PLEKHH1: variants seen among roughly 807,000 people sequenced by gnomAD.
The protein encoded by PLEKHH1 is pleckstrin homology domain-containing family H member 1.
Under a neutral mutation model 160.0 loss-of-function variants are expected in PLEKHH1, and 104 were observed. That is an observed-to-expected ratio of 0.65 (90% CI 0.55 to 0.76). The LOEUF (loss-of-function observed/expected upper bound fraction) is 0.76, where lower values mean the gene tolerates loss of function less well. Ranked by LOEUF, PLEKHH1 falls within the 30% of genes least tolerant of loss-of-function variation. PLEKHH1 has a pLI of 0.00. For missense variants in PLEKHH1, 1,427 were observed against 1,724.1 expected (o/e 0.83, Z 3.05); for synonymous variants, 619 against 678.4 (o/e 0.91, Z 1.36).
rs1410526706 is a variant in PLEKHH1 at position 67,576,516 on chromosome 14, TG to T, written c.2461+15del. Reference sequence around the variant, plus strand: ...GAAGGAGATCCAGGTAAGGCAAGGGTGGCCACCACTGCTTGGGTTGGAGGGT... The same window carrying T: ...GAAGGAGATCCAGGTAAGGCAAGGGTGCCACCACTGCTTGGGTTGGAGGGT... On this transcript the variant is annotated intron_variant, in intron 17 of 28. Coordinates refer to ENST00000329153, the MANE Select transcript of PLEKHH1 (RefSeq NM_020715.3). This position sits in a 1 kb window ranked among gnomAD's most constrained non-coding sequence, Gnocchi z 4.0. 3.1e-6 allele frequency: 4 copies of T among 1,299,282 alleles called. No individual in the cohort carries two copies. The South Asian group carries it at 4.7e-5, about 15-fold the overall frequency. The allele number at this position is 1,299,282 out of a possible 1,614,324, so 80.5% of individuals were successfully genotyped here.
chr14:67,587,113 C>G lies in PLEKHH1; in HGVS notation c.3973C>G (p.His1325Asp). 1 of 1,613,518 alleles carries G rather than the reference C, an allele frequency of 6.2e-7. No homozygotes were observed. Among genetic ancestry groups the G allele is most frequent in the Non-Finnish European group, 8.5e-7 (1 of 1,179,664 alleles). ...CTTCATCATGGCCAGCTATATGAAC[C>G]ATTGCACTACAACTGTGAACCCCCC... The part of the protein sequence containing the change: ...ATFIMASYMN[H>D]CTTTVNPPTN... Residue 1325 changes from histidine (H) to aspartate (D), a missense_variant, in exon 29 of 29, where the codon CAT (histidine) becomes GAT (aspartate). This residue lies in a region of PLEKHH1 where 96 missense variants were observed against 97.6 expected (regional missense o/e 0.98). Coordinates refer to ENST00000329153, the MANE Select transcript of PLEKHH1 (RefSeq NM_020715.3).
At chr14:67,585,857 C>G in intron 27 of PLEKHH1, 94 bp from the exon 28 acceptor site, 1 of 1,352,966 alleles carries the variant, frequency 7.4e-7, no homozygotes, top group Non-Finnish European at 1.0e-6. Flanking sequence ...TGGGAGTTCT[C>G]CTTTCCTGTG....
chr14:67,557,304 T>C lies in PLEKHH1; in HGVS notation c.225T>C (p.Asn75=), dbSNP rs760136475. The change falls in exon 4 of 29, where the codon AAT becomes AAC. Residue 75 remains asparagine (N), a synonymous_variant. Transcript: ENST00000329153. ...TGGAAGAGAAGGTAAAACTATCCAA[T>C]CTGAAGAATGTGGACTCTGAGGGGA... ...GVMEEKVKLS[N]LKNVDSEGSL... The C allele has an allele frequency of 2.5e-6, 4 of 1,613,688 alleles. No homozygotes were observed. In the South Asian group the frequency reaches 4.4e-5, roughly 18 times the overall value.
rs951007720 is a variant in PLEKHH1, at chr14:67,572,001, C to T, written c.1585+99C>T. On this transcript the variant is annotated intron_variant, in intron 10 of 28. Transcript: ENST00000329153. ...TGGGCGTCCCCACTTGATCTGAGCT[C>T]GTGACCCCCCAGCAGCTCCACCCCC... is the stretch of plus-strand genomic sequence containing the variant. 58 of 1,488,532 alleles carry T rather than the reference C, an allele frequency of 3.9e-5. No homozygotes were observed. The East Asian group carries it at 4.2e-4, about 11-fold the overall frequency. The allele number at this position is 1,488,532 out of a possible 1,614,324, so 92.2% of individuals were successfully genotyped here. A position where few individuals can be genotyped will look rare whatever the true frequency, so the allele number is the denominator to read the frequency against.
chr14:67,587,334 C>T lies in PLEKHH1; in HGVS notation c.*99C>T, dbSNP rs1029177599. On this transcript the variant is annotated 3_prime_UTR_variant, in exon 29 of 29. Transcript: ENST00000329153. The stretch of plus-strand genomic sequence containing the variant: ...CTACTGTGACGGGTCTAACAGCCCC[C>T]GGCTACTCTTGTTCTGTGAAATGTG... 2.1e-5 allele frequency: 27 copies of T among 1,314,088 alleles called. No individual in the cohort carries two copies. Among genetic ancestry groups the T allele is most frequent in the Admixed American group, 8.5e-5 (5 of 59,142 alleles). 81.4% of individuals were successfully genotyped at this position (1,314,088 alleles called of 1,614,324 possible). A position where few individuals can be genotyped will look rare whatever the true frequency, so the allele number is the denominator to read the frequency against.
intron 26 of PLEKHH1, among the ~76,000 whole-genome samples, chr14:67,584,713 T>C (rs777595437): frequency 5.9e-5 from 9 of 152,204 alleles, no homozygotes; most frequent in Non-Finnish European, 1.0e-4. Context: ...CCAGTGCTGG[T>C]TGTTTGAGGT....
Position 67,564,675 on chromosome 14 carries a change from AT to A in PLEKHH1, c.1263+1791del, listed in dbSNP as rs201353537. Among the ~76,000 whole-genome samples the A allele has an allele frequency of 9.0e-3, 1,189 of 132,638 alleles. 20 individuals carry two copies. The highest frequency in any genetic ancestry group is 0.032 in the African/African-American group (1,121 of 35,064). 87.0% of individuals were successfully genotyped at this position (132,638 alleles called of 152,430 possible). On this transcript the variant is annotated intron_variant, in intron 7 of 28. Coordinates refer to ENST00000329153, the MANE Select transcript of PLEKHH1 (RefSeq NM_020715.3). Reference sequence around the variant, plus strand: ...GTTTCACTATGTTGGCCAGGCTGACATTTTTTTTTTCTTTTCCTTTTTTTTT... The same window carrying A: ...GTTTCACTATGTTGGCCAGGCTGACATTTTTTTTTCTTTTCCTTTTTTTTT...
intron 1 of PLEKHH1, among the ~76,000 whole-genome samples, chr14:67,537,346 A>AAATAAT (rs111429286): frequency 0.015 from 1,861 of 126,566 alleles, 25 homozygotes; most frequent in South Asian, 0.061. Flanking sequence ...TCCATCTCAA[A>AAATAAT]AATAATAATA....
In PLEKHH1 at chr14:67,578,647, C is replaced by T. The variant is rs761939974; in HGVS notation, c.2849+16C>T. ...CAGATCCCAGGTGAGTGAACCTGGCCGTTTCCTCTGCCACTTGAGCACTGC... is the reference window on the plus strand; with the variant it reads ...CAGATCCCAGGTGAGTGAACCTGGCTGTTTCCTCTGCCACTTGAGCACTGC... On this transcript the variant is annotated intron_variant, in intron 20 of 28. Coordinates refer to ENST00000329153, the MANE Select transcript of PLEKHH1 (RefSeq NM_020715.3). The surrounding 1 kb of genome is among the most constrained non-coding windows in gnomAD (Gnocchi z 5.0). 12 of 1,513,328 alleles carry T rather than the reference C, an allele frequency of 7.9e-6. No homozygotes were observed. Among genetic ancestry groups the T allele is most frequent in the African/African-American group, 5.5e-5 (4 of 72,852 alleles). 93.7% of individuals were successfully genotyped at this position (1,513,328 alleles called of 1,614,324 possible).
chr14:67,587,277 G>A lies in PLEKHH1; in HGVS notation c.*42G>A. 1 of 1,609,156 alleles carries A rather than the reference G, an allele frequency of 6.2e-7. No homozygotes were observed. The highest frequency in any genetic ancestry group is 1.1e-5 in the South Asian group (1 of 90,982). On this transcript the variant is annotated 3_prime_UTR_variant, in exon 29 of 29. Transcript: ENST00000329153. ...ATTCCCCAACACCACTAGTGCCTCT[G>A]GATTTAGAGATATATATCCTAGGGT...
chr14:67,538,898 C>G (rs1037107936), intron 1 of PLEKHH1, among the ~76,000 whole-genome samples: 10 of 152,192 alleles, frequency 6.6e-5, no homozygotes, highest in Non-Finnish European at 2.9e-5. Context: ...TAGGCAGACA[C>G]CAGTGACATA....
rs755308613 is a variant in PLEKHH1 at position 67,587,343 on chromosome 14, T to C, written c.*108T>C. On this transcript the variant is annotated 3_prime_UTR_variant, in exon 29 of 29. Transcript: ENST00000329153. ...CGGGTCTAACAGCCCCCGGCTACTC[T>C]TGTTCTGTGAAATGTGTATTTTAGT... 1.6e-6 allele frequency: 2 copies of C among 1,254,042 alleles called. No homozygotes were observed. The highest frequency in any genetic ancestry group is 2.4e-5 in the South Asian group (2 of 82,704). The allele number at this position is 1,254,042 out of a possible 1,614,324, so 77.7% of individuals were successfully genotyped here. A position where few individuals can be genotyped will look rare whatever the true frequency, so the allele number is the denominator to read the frequency against.
intron 23 of PLEKHH1, 46 bp downstream of exon 23, chr14:67,581,084 C>G: frequency 1.6e-6 from 2 of 1,232,038 alleles, no homozygotes; most frequent in Non-Finnish European, 2.4e-6. Flanking sequence ...AGGGCTGCCA[C>G]TGGGTGCCAG....
chr14:67,562,614 C>A lies in PLEKHH1; in HGVS notation c.983C>A (p.Ala328Asp). ...ACCCCGCGGGACAGCATCCAGTTGGCCAAAAGGCACCACAGCCAGCCCCAG... is the reference window on the plus strand; with the variant it reads ...ACCCCGCGGGACAGCATCCAGTTGGACAAAAGGCACCACAGCCAGCCCCAG... ...PGTPRDSIQL[A>D]KRHHSQPQVG... is the part of the protein sequence containing the mutation. The change falls in exon 7 of 29, where the codon GCC (alanine) becomes GAC (aspartate). Residue 328 changes from alanine (A) to aspartate (D), a missense_variant. Physicochemically the swap from Ala to Asp is moderately radical, Grantham distance 126. This residue lies in a region of PLEKHH1 where 831 missense variants were observed against 929.2 expected (regional missense o/e 0.89). Transcript: ENST00000329153. 2 of 1,612,864 alleles carry A rather than the reference C, an allele frequency of 1.2e-6. No individual in the cohort carries two copies. The highest frequency in any genetic ancestry group is 2.2e-5 in the South Asian group (2 of 90,814).
At chr14:67,533,435 GGGCTGCGCCGCGGCGGAGGGCGTCA>G (rs2033542654) in intron 1 of PLEKHH1, 37 bp downstream of exon 1, 1 of 152,010 alleles carries the variant, frequency 6.6e-6, no homozygotes, top group Non-Finnish European at 1.5e-5. Flanking sequence ...TGGTGGGCTG[GGGCTGCGCCGCGGCGGAGGGCGTCA>G]GGCTGCGCGC....
chr14:67,581,064 G>A (rs879093873), intron 23 of PLEKHH1, 26 bp downstream of exon 23: 9 of 1,464,580 alleles, frequency 6.1e-6, no homozygotes, highest in Non-Finnish European at 8.6e-6. Flanking sequence ...CGAGGGTGGG[G>A]CCAAACACAA....
At chr14:67,535,468 C>T in intron 1 of PLEKHH1, among the ~76,000 whole-genome samples, 1 of 150,558 alleles carries the variant, frequency 6.6e-6, no homozygotes, top group African/African-American at 2.5e-5. Context: ...ACAACCTCCG[C>T]CTCCAGGGTT....
chr14:67,586,407 T>A (rs749270), intron 28 of PLEKHH1: 119,964 of 1,341,202 alleles, frequency 0.089, 5,735 homozygotes, highest in Middle Eastern at 0.13. Flanking sequence ...GCTTACGTGC[T>A]CTTCTCTTCC....
rs200323395 is a variant in PLEKHH1 at position 67,563,440 on chromosome 14, GT to G, written c.1263+547del. 6.0e-3 allele frequency among the ~76,000 whole-genome samples: 908 copies of G among 151,024 alleles called. 10 individuals are homozygous for G. Among genetic ancestry groups the G allele is most frequent in the African/African-American group, 0.021 (877 of 40,892 alleles). Reference sequence around the variant, plus strand: ...CTTTTTCTTTTCTTTTTTTTGGGGGGTGGGGGTGAGGGGGCAGAGTTTCACT... The same window carrying G: ...CTTTTTCTTTTCTTTTTTTTGGGGGGGGGGGTGAGGGGGCAGAGTTTCACT... On this transcript the variant is annotated intron_variant, in intron 7 of 28. Transcript: ENST00000329153.
Sources: allele counts gnomAD v4.1 joint callset (sites outside exome capture counted in the v4.1 genomes callset), GRCh38; gene constraint gnomAD v4.1.1; regional missense constraint gnomAD v4.1.1; non-coding constraint Gnocchi (gnomAD v3.1); transcripts MANE v1.5; gene names NCBI Gene and HGNC (gene_info 2026-07-23, HGNC 2026-07-21).